MPRIP: variants seen among roughly 807,000 people sequenced by gnomAD.
The protein encoded by MPRIP is myosin phosphatase Rho-interacting protein.
Under a neutral mutation model 234.9 loss-of-function variants are expected in MPRIP, and 59 were observed. The observed-to-expected ratio is 0.25, with a 90% CI of 0.20 to 0.31. The LOEUF is 0.31. Among genes scored for constraint, MPRIP ranks in the 10% least tolerant of loss-of-function variants. The probability of loss-of-function intolerance (pLI) is 1.00; values close to 1 mark genes in which losing one functional copy is unlikely to be tolerated. For synonymous variants in MPRIP, 1,144 were observed against 1,263.9 expected, an observed-to-expected ratio of 0.91 and a Z score of 2.01; for missense variants, 2,436 against 3,071.0, an observed-to-expected ratio of 0.79 and a Z score of 4.89.
At chr17:17,127,648 C>A (rs2090519046) in intron 4 of MPRIP, among the ~76,000 whole-genome samples, 1 of 152,256 alleles carries the variant, frequency 6.6e-6, no homozygotes, top group Admixed American at 6.5e-5. Flanking sequence ...GAATCCCTGT[C>A]TTGCTTAAGG....
In MPRIP at chr17:17,147,291, G is replaced by A. The variant is rs780370622; in HGVS notation, c.1561-28G>A. On this transcript the variant is annotated intron_variant, in intron 10 of 23. Coordinates refer to ENST00000651222, the MANE Select transcript of MPRIP (RefSeq NM_001364716.4). ...GCATGCTGTATAGGAGTTGGTAGTC[G>A]AGTCATTTTTCTTTTCTTCCCCTTT... The A allele has an allele frequency of 2.5e-6, 4 of 1,610,498 alleles. No homozygotes were observed. In the South Asian group the frequency reaches 3.3e-5, roughly 13 times the overall value.
At chr17:17,125,984 G>GGCT (rs1427176260) in intron 3 of MPRIP, among the ~76,000 whole-genome samples, 1 of 152,108 alleles carries the variant, frequency 6.6e-6, no homozygotes, top group Non-Finnish European at 1.5e-5. Context: ...AGAGGCCAGA[G>GGCT]GGTACAGGGC....
chr17:17,180,946 C>T (rs954030562), intron 23 of MPRIP, among the ~76,000 whole-genome samples: 1 of 152,244 alleles, frequency 6.6e-6, no homozygotes, highest in African/African-American at 2.4e-5. Flanking sequence ...GCTGAACTCA[C>T]TCCACCCCCT....
At chr17:17,089,531 A>G (rs2089666972) in intron 3 of MPRIP, among the ~76,000 whole-genome samples, 1 of 151,894 alleles carries the variant, frequency 6.6e-6, no homozygotes, top group South Asian at 2.1e-4. Flanking sequence ...GCAGTGGCGC[A>G]GTCATAGCTC....
chr17:17,119,859 T>C (rs1364821304), intron 3 of MPRIP, among the ~76,000 whole-genome samples: 1 of 152,248 alleles, frequency 6.6e-6, no homozygotes, highest in African/African-American at 2.4e-5. Context: ...ACTCACCGTT[T>C]TCCATTTCAT....
chr17:17,141,440 C>A (rs2090814851), intron 7 of MPRIP: 1 of 152,242 alleles, frequency 6.6e-6, no homozygotes, highest in Non-Finnish European at 1.5e-5. Flanking sequence ...AAGCTTCTTT[C>A]CTGAGGAAGA....
Position 17,167,995 on chromosome 17 carries a change from G to C in MPRIP, c.6324+80G>C, listed in dbSNP as rs770669689. ...TGTGGGGACGTCTGGCTCAGCTACC[G>C]TGCAGGCAGAATTGAGGGGATATGC... On this transcript the variant is annotated intron_variant, in intron 16 of 23. Transcript: ENST00000651222. The surrounding 1 kb of genome is among the most constrained non-coding windows in gnomAD (Gnocchi z 5.9). 8.9e-7 allele frequency: 1 copy of C among 1,120,166 alleles called. No homozygotes were observed. The highest frequency in any genetic ancestry group is 1.2e-6 in the Non-Finnish European group (1 of 852,656). The allele number at this position is 1,120,166 out of a possible 1,614,324, so 69.4% of individuals were successfully genotyped here.
intron 22 of MPRIP, among the ~76,000 whole-genome samples, chr17:17,179,377 G>A (rs1410998653): frequency 2.6e-5 from 4 of 151,418 alleles, no homozygotes; most frequent in African/African-American, 9.7e-5. Context: ...AACCCAGGAG[G>A]CAGAGGTTGC....
chr17:17,192,471 T>TA lies in MPRIP; in HGVS notation c.*7578dup, dbSNP rs1258857185. 3 of 150,448 alleles carry TA rather than the reference T, an allele frequency of 2.0e-5. No homozygotes were observed. Among genetic ancestry groups the TA allele is most frequent in the Admixed American group, 2.0e-4 (3 of 15,100 alleles). The allele number at this position is 150,448 out of a possible 1,614,324, so 9.3% of individuals were successfully genotyped here. A position where few individuals can be genotyped will look rare whatever the true frequency, so the allele number is the denominator to read the frequency against. On this transcript the variant is annotated 3_prime_UTR_variant, in exon 24 of 24. Coordinates refer to ENST00000651222, the MANE Select transcript of MPRIP (RefSeq NM_001364716.4). ...GGCGTCTTGAGGCTTTTTTTTTTTT[T>TA]ACAAAGTTAGTTTGTGATCAACGAT...
intron 3 of MPRIP, among the ~76,000 whole-genome samples, chr17:17,122,078 G>T (rs187718816): frequency 3.3e-5 from 5 of 152,104 alleles, no homozygotes; most frequent in African/African-American, 4.8e-5. Context: ...TGGGCATTCC[G>T]TGTCTTTGCT....
chr17:17,113,797 C>T (rs530365907), intron 3 of MPRIP, among the ~76,000 whole-genome samples: 17 of 151,296 alleles, frequency 1.1e-4, no homozygotes, highest in African/African-American at 3.9e-4. Context: ...TGACAGTTTT[C>T]TGTTTTTTAA....
chr17:17,142,151 G>A (rs1245709505), intron 7 of MPRIP: 2 of 159,096 alleles, frequency 1.3e-5, no homozygotes, highest in African/African-American at 2.4e-5. Flanking sequence ...AGCCTGCTTT[G>A]TTTTTGTTTT....
chr17:17,107,508 T>C (rs2090085919), intron 3 of MPRIP, among the ~76,000 whole-genome samples: 1 of 152,226 alleles, frequency 6.6e-6, no homozygotes, highest in Non-Finnish European at 1.5e-5. Context: ...AGCCTGACAC[T>C]GTTGGTGCAG....
intron 20 of MPRIP, 75 bp downstream of exon 20, chr17:17,175,487 G>T: frequency 1.4e-6 from 2 of 1,458,544 alleles, no homozygotes; most frequent in Non-Finnish European, 1.8e-6. Flanking sequence ...CATGGCCCCT[G>T]TCTTACAGGG....
At chr17:17,054,439 A>G (rs1306333550) in intron 1 of MPRIP, among the ~76,000 whole-genome samples, 1 of 152,180 alleles carries the variant, frequency 6.6e-6, no homozygotes. Flanking sequence ...ATTCCAGTTC[A>G]ATGTCACCGG....
In MPRIP at chr17:17,062,621, C is replaced by T. The variant is rs1369713082; in HGVS notation, c.124-13089C>T. 3.3e-5 allele frequency among the ~76,000 whole-genome samples: 5 copies of T among 152,342 alleles called. No homozygotes were observed. In the East Asian group the frequency reaches 9.7e-4, roughly 29 times the overall value. The stretch of plus-strand genomic sequence containing the variant: ...TCACCAGCGGACAGAGCAGCGGAGC[C>T]ATGAAGGCCTGCGCAGGACAGGCCA... On this transcript the variant is annotated intron_variant, in intron 1 of 23. Coordinates refer to ENST00000651222, the MANE Select transcript of MPRIP (RefSeq NM_001364716.4).
intron 1 of MPRIP, among the ~76,000 whole-genome samples, chr17:17,047,753 G>C (rs1476878057): frequency 6.6e-6 from 1 of 152,132 alleles, no homozygotes; most frequent in Non-Finnish European, 1.5e-5. Context: ...GGGATGGGGA[G>C]GGGTAAAAAA....
chr17:17,169,205 G>A, intron 16 of MPRIP: 1 of 357,440 alleles, frequency 2.8e-6, no homozygotes, highest in South Asian at 2.1e-5. Context: ...ACCAAGAGCA[G>A]CACTGAGATG....
At chr17:17,162,017 G>A (rs1486909168) in intron 15 of MPRIP, among the ~76,000 whole-genome samples, 1 of 152,262 alleles carries the variant, frequency 6.6e-6, no homozygotes, top group Non-Finnish European at 1.5e-5. Context: ...CCTTGTGCCA[G>A]GTATTGGGCA....
Sources: allele counts gnomAD v4.1 joint callset (sites outside exome capture counted in the v4.1 genomes callset), GRCh38; gene constraint gnomAD v4.1.1; non-coding constraint Gnocchi (gnomAD v3.1); transcripts MANE v1.5; gene names NCBI Gene and HGNC (gene_info 2026-07-23, HGNC 2026-07-21).